The following CSPP1 variants were observed in gnomAD, a reference collection of about 807,000 sequenced individuals.
CSPP1 encodes the protein centrosome and spindle pole-associated protein 1.
In CSPP1, 126 loss-of-function variants were observed where a neutral mutation model predicts 164.4. The ratio of observed to expected loss-of-function variants is 0.77; its 90% CI spans 0.66 to 0.89. The LOEUF (loss-of-function observed/expected upper bound fraction) is 0.89, where lower values mean the gene tolerates loss of function less well. Among genes scored for constraint, CSPP1 ranks in the 40% least tolerant of loss-of-function variants. The pLI is 0.00. For synonymous variants in CSPP1, 472 were observed against 476.7 expected (o/e 0.99, Z 0.13); for missense variants, 1,395 against 1,449.8 (o/e 0.96, Z 0.61).
intron 21 of CSPP1, among the ~76,000 whole-genome samples, chr8:67,159,587 A>G (rs1486384700): frequency 7.3e-6 from 1 of 136,962 alleles, no homozygotes; most frequent in African/African-American, 2.9e-5. Context: ...CAGTGGCACA[A>G]TTTTGGCTCA....
intron 24 of CSPP1, among the ~76,000 whole-genome samples, chr8:67,169,532 C>T (rs143838434): frequency 0.015 from 2,300 of 152,062 alleles, 61 homozygotes; most frequent in African/African-American, 0.053. Context: ...CTCTGCCTCC[C>T]GGGTTCAAGT....
chr8:67,077,737 A>G (rs1030386555), intron 3 of CSPP1, among the ~76,000 whole-genome samples: 4 of 152,246 alleles, frequency 2.6e-5, no homozygotes, highest in African/African-American at 9.6e-5. Flanking sequence ...TGATTAAAGC[A>G]TTGTTCTCAA....
chr8:67,181,706 TA>T (rs1833095455), intron 28 of CSPP1, among the ~76,000 whole-genome samples: 1 of 152,214 alleles, frequency 6.6e-6, no homozygotes, highest in Non-Finnish European at 1.5e-5. Flanking sequence ...TTTACCATTT[TA>T]ACCATTTTAA....
At position 67,163,748 on chromosome 8, in the gene CSPP1, G is replaced by C. The variant is rs753627400; in HGVS notation, c.2660G>C (p.Arg887Thr). 1.9e-6 allele frequency: 3 copies of C among 1,613,264 alleles called. No individual in the cohort carries two copies. The South Asian group carries it at 3.3e-5, about 18-fold the overall frequency. The change falls in exon 23 of 31, where the codon AGG becomes ACG. Residue 887 changes from arginine (R) to threonine (T), a missense_variant. By Grantham distance (71) the Arg-to-Thr change is moderately conservative (BLOSUM62 -1). Coordinates refer to ENST00000678616, the MANE Select transcript of CSPP1 (RefSeq NM_001382391.1). ...GTTGAACAGGAAAGTTCCATGTCCAGGGCACAGTCACCCCCGGTACCTGCC... is the reference window on the plus strand; with the variant it reads ...GTTGAACAGGAAAGTTCCATGTCCACGGCACAGTCACCCCCGGTACCTGCC... ...RSFIHESSMS[R>T]AQSPPVPARK... is the part of the protein sequence containing the mutation.
chr8:67,113,945 TG>T, intron 11 of CSPP1, 83 bp downstream of exon 11: 1 of 791,792 alleles, frequency 1.3e-6, no homozygotes, highest in Non-Finnish European at 2.1e-6. Flanking sequence ...TAGAGAATAT[TG>T]GGAGAAAAAG....
chr8:67,195,899 A>G lies in CSPP1; in HGVS notation c.*306A>G, dbSNP rs370364471. 1.5e-5 allele frequency: 4 copies of G among 259,500 alleles called. No homozygotes were observed. Among genetic ancestry groups the G allele is most frequent in the East Asian group, 8.7e-5 (1 of 11,552 alleles). The allele number at this position is 259,500 out of a possible 1,614,324, so 16.1% of individuals were successfully genotyped here. On this transcript the variant is annotated 3_prime_UTR_variant, in exon 31 of 31. Coordinates refer to ENST00000678616, the MANE Select transcript of CSPP1 (RefSeq NM_001382391.1). ...TCTGCTTGTCATTAAGATAAGGTGAATAAGTGTCTTAAACGTCCTGTAAAA... is the reference window on the plus strand; with the variant it reads ...TCTGCTTGTCATTAAGATAAGGTGAGTAAGTGTCTTAAACGTCCTGTAAAA...
At chr8:67,101,749 T>A (rs907932316) in intron 7 of CSPP1, among the ~76,000 whole-genome samples, 1 of 152,324 alleles carries the variant, frequency 6.6e-6, no homozygotes, top group Non-Finnish European at 1.5e-5. Flanking sequence ...ATGCTGGTTC[T>A]GTGGAGAGTG....
At chr8:67,082,561 C>T (rs1000877385) in intron 3 of CSPP1, among the ~76,000 whole-genome samples, 1 of 152,014 alleles carries the variant, frequency 6.6e-6, no homozygotes, top group African/African-American at 2.4e-5. Flanking sequence ...ATTATTATTT[C>T]CTATAATTTG....
At chr8:67,118,942 A>C (rs1166391353) in intron 15 of CSPP1, 121 bp downstream of exon 15, 7 of 672,888 alleles carry the variant, frequency 1.0e-5, no homozygotes, top group Non-Finnish European at 1.6e-5. Context: ...TAATATTTTC[A>C]TAATGTGCAA....
chr8:67,149,967 T>G, intron 18 of CSPP1, 32 bp downstream of exon 18: 1 of 1,505,294 alleles, frequency 6.6e-7, no homozygotes, highest in Non-Finnish European at 8.9e-7. Flanking sequence ...TTTTTTTTTT[T>G]TTTTACATTT....
At chr8:67,086,847 G>C in intron 4 of CSPP1, 1 of 1,357,880 alleles carries the variant, frequency 7.4e-7, no homozygotes, top group Non-Finnish European at 9.8e-7. Context: ...GAAAAGAAAG[G>C]TAGGGTTGTC....
At position 67,159,052 on chromosome 8, in the gene CSPP1, GAAA is replaced by G; in HGVS notation, c.2454_2456del (p.Lys821del). 1 of 1,612,148 alleles carries G rather than the reference GAAA, an allele frequency of 6.2e-7. No homozygotes were observed. Among genetic ancestry groups the G allele is most frequent in the Non-Finnish European group, 8.5e-7 (1 of 1,178,900 alleles). On this transcript the variant is annotated inframe_deletion, in exon 21 of 31. Transcript: ENST00000678616. ...GAAGAAAGACAAAAAGAAGCAGAAA[GAAA>G]GAAGAAAGAAGAAGAAGAAAAATAT... is the stretch of plus-strand genomic sequence containing the variant.
At chr8:67,091,397 A>G (rs1811578076) in intron 4 of CSPP1, among the ~76,000 whole-genome samples, 1 of 152,236 alleles carries the variant, frequency 6.6e-6, no homozygotes, top group East Asian at 1.9e-4. Context: ...AATAGAAAAA[A>G]AACTTGTGGC....
intron 7 of CSPP1, among the ~76,000 whole-genome samples, chr8:67,097,646 A>G (rs1039807737): frequency 6.6e-6 from 1 of 150,586 alleles, no homozygotes; most frequent in South Asian, 2.1e-4. Flanking sequence ...TGTAATGCAT[A>G]CCCTTTTAAG....
rs778823972 is a variant in CSPP1, at chr8:67,091,800, C to T, written c.304-3C>T. On this transcript the variant is annotated splice_region_variant and splice_polypyrimidine_tract_variant and intron_variant, in intron 4 of 30. Coordinates refer to ENST00000678616, the MANE Select transcript of CSPP1 (RefSeq NM_001382391.1). ...TATATTTTTTTAATGTGTATATATA[C>T]AGAAAAATTTTCTATCTACGAGTGA... 6.4e-6 allele frequency: 8 copies of T among 1,249,920 alleles called. No individual in the cohort carries two copies. In the South Asian group the frequency reaches 7.7e-5, roughly 12 times the overall value. 77.4% of individuals were successfully genotyped at this position (1,249,920 alleles called of 1,614,324 possible).
intron 17 of CSPP1, among the ~76,000 whole-genome samples, chr8:67,148,488 A>G (rs1249582438): frequency 6.6e-6 from 1 of 152,108 alleles, no homozygotes. Flanking sequence ...ATGCTTTCCT[A>G]CTTATCTTCA....
chr8:67,133,019 AC>A (rs1383362313), intron 16 of CSPP1, among the ~76,000 whole-genome samples: 2 of 152,162 alleles, frequency 1.3e-5, no homozygotes, highest in Non-Finnish European at 2.9e-5. Context: ...AGAATTACCA[AC>A]CTTTTTTGTA....
intron 17 of CSPP1, among the ~76,000 whole-genome samples, chr8:67,148,374 T>C (rs1231683702): frequency 6.6e-6 from 1 of 152,234 alleles, no homozygotes; most frequent in African/African-American, 2.4e-5. Flanking sequence ...CTCTATTACA[T>C]GTGCTTTATG....
At chr8:67,076,864 TGA>T (rs150167534) in intron 3 of CSPP1, among the ~76,000 whole-genome samples, 6 of 151,618 alleles carry the variant, frequency 4.0e-5, no homozygotes, top group Admixed American at 6.6e-5. Flanking sequence ...TTTGTGTGTG[TGA>T]GAGAGAGAGA....
Sources: gnomAD v4.1 joint callset for allele counts (sites outside exome capture counted in the v4.1 genomes callset) on GRCh38, gnomAD v4.1.1 for gene constraint, MANE v1.5 for transcripts, NCBI Gene and HGNC (gene_info 2026-07-23, HGNC 2026-07-21) for gene names.